Variants in LIMCH1 observed in about 807,000 individuals in gnomAD.
The protein encoded by LIMCH1 is LIM and calponin homology domains-containing protein 1.
LIMCH1 carries 113 observed loss-of-function variants against 176.5 expected under a neutral mutation model. The ratio of observed to expected loss-of-function variants is 0.64; its 90% CI spans 0.55 to 0.75. The LOEUF (loss-of-function observed/expected upper bound fraction) is 0.75. Ranked by LOEUF, LIMCH1 falls within the 30% of genes least tolerant of loss-of-function variation. LIMCH1 has a pLI of 0.00. For missense variants in LIMCH1, 1,674 were observed against 1,814.9 expected, an observed-to-expected ratio of 0.92 and a Z score of 1.41; for synonymous variants, 619 against 645.9, an observed-to-expected ratio of 0.96 and a Z score of 0.63.
intron 4 of LIMCH1, chr4:41,612,296 A>G: frequency 2.1e-6 from 1 of 467,968 alleles, no homozygotes; most frequent in Non-Finnish European, 3.8e-6. Context: ...TGGGCATCCT[A>G]GACAGTTTAG....
At chr4:41,502,829 A>G (rs1011393297) in intron 2 of LIMCH1, among the ~76,000 whole-genome samples, 13 of 151,896 alleles carry the variant, frequency 8.6e-5, no homozygotes, top group Non-Finnish European at 1.5e-5. Context: ...TGTTGTTGTC[A>G]GTGATAGAAA....
intron 18 of LIMCH1, among the ~76,000 whole-genome samples, chr4:41,651,659 G>C (rs1211799319): frequency 6.6e-6 from 1 of 152,086 alleles, no homozygotes; most frequent in African/African-American, 2.4e-5. Flanking sequence ...GGTGCTATCA[G>C]AATCTAGCTT....
At chr4:41,360,450 G>A (rs1282876752), upstream of LIMCH1, among the ~76,000 whole-genome samples, 1 of 152,098 alleles carries the variant, frequency 6.6e-6, no homozygotes, top group Non-Finnish European at 1.5e-5. The surrounding 1 kb of genome is among the most constrained non-coding windows in gnomAD (Gnocchi z 4.5). Flanking sequence ...AGGGACGTGC[G>A]GGGCGGCCAG....
At position 41,633,803 on chromosome 4, in the gene LIMCH1, T is replaced by C. The variant is rs1377760535; in HGVS notation, c.2085T>C (p.Asp695=). The change falls in exon 13 of 32, where the codon GAT becomes GAC. Residue 695 remains aspartate (D), a synonymous_variant. Coordinates refer to ENST00000503057, the MANE Select transcript of LIMCH1 (RefSeq NM_001330672.2). ...EESSKGLPMK[D]QRYGPRTPVS... is the part of the protein sequence containing the mutation. ...CTTCTAAAGGTCTACCCATGAAAGA[T>C]CAGAGGTCAGAAAGTTATTCTGTGC... The C allele has an allele frequency of 1.3e-6, 2 of 1,535,782 alleles. No individual in the cohort carries two copies. Among genetic ancestry groups the C allele is most frequent in the Non-Finnish European group, 1.7e-6 (2 of 1,146,576 alleles).
chr4:41,480,399 G>A (rs1582885280), intron 1 of LIMCH1, among the ~76,000 whole-genome samples: 1 of 152,100 alleles, frequency 6.6e-6, no homozygotes, highest in Non-Finnish European at 1.5e-5. Flanking sequence ...AGGAGGTCGA[G>A]AGATCGAGAC....
intron 21 of LIMCH1, chr4:41,670,967 G>A (rs1185846466): frequency 1.0e-6 from 1 of 982,714 alleles, no homozygotes; most frequent in African/African-American, 1.8e-5. Context: ...AAAATTGGGG[G>A]TAGGAGGAGA....
intron 18 of LIMCH1, among the ~76,000 whole-genome samples, chr4:41,656,938 A>C (rs1439542711): frequency 6.6e-6 from 1 of 152,126 alleles, no homozygotes; most frequent in Non-Finnish European, 1.5e-5. Context: ...TGTCTAGTAC[A>C]TCTTCCAATG....
At chr4:41,398,833 C>T (rs945678341) in intron 1 of LIMCH1, among the ~76,000 whole-genome samples, 1 of 152,152 alleles carries the variant, frequency 6.6e-6, no homozygotes, top group Non-Finnish European at 1.5e-5. Context: ...GGGATACTGA[C>T]GAAGACTTAA....
chr4:41,433,755 A>G (rs1160639061), intron 1 of LIMCH1, among the ~76,000 whole-genome samples: 2 of 151,454 alleles, frequency 1.3e-5, no homozygotes, highest in Non-Finnish European at 2.9e-5. Flanking sequence ...GCAGCATGTT[A>G]CTTCCACCAT....
intron 1 of LIMCH1, among the ~76,000 whole-genome samples, chr4:41,400,134 A>G (rs2058266657): frequency 6.6e-6 from 1 of 151,930 alleles, no homozygotes; most frequent in African/African-American, 2.4e-5. Flanking sequence ...CGGCTATCCT[A>G]TACTGTATCT....
At chr4:41,550,157 A>T (rs574213118) in intron 1 of LIMCH1, among the ~76,000 whole-genome samples, 1 of 151,658 alleles carries the variant, frequency 6.6e-6, no homozygotes, top group Non-Finnish European at 1.5e-5. Context: ...ACTGTCCCTC[A>T]TGCTGCTATT....
intron 1 of LIMCH1, among the ~76,000 whole-genome samples, chr4:41,595,590 G>A (rs1259147354): frequency 6.6e-6 from 1 of 152,116 alleles, no homozygotes; most frequent in Non-Finnish European, 1.5e-5. Context: ...TACATCCTCA[G>A]AACAGACCTG....
At chr4:41,439,923 AAGG>A (rs2062526408) in intron 1 of LIMCH1, among the ~76,000 whole-genome samples, 2 of 152,212 alleles carry the variant, frequency 1.3e-5, no homozygotes, top group South Asian at 4.1e-4. Flanking sequence ...AAAAAACAAA[AAGG>A]AGGAGGGCAA....
chr4:41,518,943 A>G lies in LIMCH1; in HGVS notation c.168-5466A>G, dbSNP rs566812016. Among the ~76,000 whole-genome samples, 33 of 152,194 alleles carry G rather than the reference A, an allele frequency of 2.2e-4. No homozygotes were observed. The South Asian group carries it at 6.6e-3, about 31-fold the overall frequency. On this transcript the variant is annotated intron_variant, in intron 2 of 26. Transcript: ENST00000313860. ...TTTTTTTACGGCTGCATAGTATTCCATGGTGTATATGTGCCACATTTTCTT... is the reference window on the plus strand; with the variant it reads ...TTTTTTTACGGCTGCATAGTATTCCGTGGTGTATATGTGCCACATTTTCTT...
chr4:41,658,078 G>A (rs1242471243), intron 18 of LIMCH1, among the ~76,000 whole-genome samples: 1 of 152,164 alleles, frequency 6.6e-6, no homozygotes, highest in Non-Finnish European at 1.5e-5. Flanking sequence ...GGACATTGAG[G>A]TCACCAGCAC....
At chr4:41,363,106 G>A (rs1179532524) in intron 1 of LIMCH1, among the ~76,000 whole-genome samples, 1 of 152,224 alleles carries the variant, frequency 6.6e-6, no homozygotes, top group Non-Finnish European at 1.5e-5. Context: ...CCAGGGGAAA[G>A]ATAGAGACCT....
At chr4:41,512,338 T>C (rs2075026327) in intron 2 of LIMCH1, among the ~76,000 whole-genome samples, 1 of 152,160 alleles carries the variant, frequency 6.6e-6, no homozygotes, top group South Asian at 2.1e-4. Context: ...TGGAAAACAG[T>C]TTGGCAGTTC....
At chr4:41,642,737 CTTTTT>C (rs368906535) in intron 14 of LIMCH1, among the ~76,000 whole-genome samples, 7 of 136,414 alleles carry the variant, frequency 5.1e-5, no homozygotes, top group South Asian at 2.4e-4. Context: ...TTTCTTTTTT[CTTTTT>C]TTTTTTTTGT....
intron 1 of LIMCH1, among the ~76,000 whole-genome samples, chr4:41,392,598 A>G (rs897466435): frequency 6.6e-6 from 1 of 152,240 alleles, no homozygotes; most frequent in African/African-American, 2.4e-5. Context: ...GTGTCTTTGA[A>G]TTAAACTCAG....
Sources: gnomAD v4.1 joint callset for allele counts (sites outside exome capture counted in the v4.1 genomes callset) on GRCh38, gnomAD v4.1.1 for gene constraint, Gnocchi (gnomAD v3.1) non-coding constraint, MANE v1.5 for transcripts, NCBI Gene and HGNC (gene_info 2026-07-23, HGNC 2026-07-21) for gene names.